ACTN1: variants seen among roughly 807,000 people sequenced by gnomAD.
The protein encoded by ACTN1 is actinin alpha 1.
Under a neutral mutation model 119.6 loss-of-function variants are expected in ACTN1, and 30 were observed. That is an observed-to-expected ratio of 0.25 (90% CI 0.19 to 0.34). The LOEUF is 0.34. Ranked by LOEUF, ACTN1 falls within the 10% of genes least tolerant of loss-of-function variation. ACTN1 has a pLI of 1.00. For synonymous variants in ACTN1, 429 were observed against 472.6 expected, an observed-to-expected ratio of 0.91 and a Z score of 1.20; for missense variants, 764 against 1,223.4, an observed-to-expected ratio of 0.62 and a Z score of 5.60.
At chr14:68,975,091 T>G (rs914774386) in intron 1 of ACTN1, among the ~76,000 whole-genome samples, 2 of 152,210 alleles carry the variant, frequency 1.3e-5, no homozygotes, top group African/African-American at 4.8e-5. Flanking sequence ...CTGGTGGCCT[T>G]GGCTATAGCT....
chr14:68,956,127 T>C lies in ACTN1; in HGVS notation c.105+22825A>G, dbSNP rs968747256. Among the ~76,000 whole-genome samples, 5 of 152,030 alleles carry C rather than the reference T, an allele frequency of 3.3e-5. No individual in the cohort carries two copies. The East Asian group carries it at 5.8e-4, about 18-fold the overall frequency. On this transcript the variant is annotated intron_variant, in intron 1 of 21. Coordinates refer to ENST00000394419, the MANE Select transcript of ACTN1 (RefSeq NM_001130004.2). ...CTGTCGTGAGCTATGATCATGCCAC[T>C]GTACTCCAGCCTGGGTTACAGAACG...
intron 2 of ACTN1, 30 bp from the exon 3 acceptor site, chr14:68,921,155 G>A (rs376396221): frequency 1.9e-6 from 3 of 1,612,212 alleles, no homozygotes; most frequent in Non-Finnish European, 1.7e-6. Context: ...GGAAGAGGAA[G>A]GTGAGACGCT....
intron 1 of ACTN1, among the ~76,000 whole-genome samples, chr14:68,945,271 A>G (rs1276082846): frequency 8.1e-6 from 1 of 123,076 alleles, no homozygotes; most frequent in Non-Finnish European, 1.7e-5. Context: ...CAAAAAACTG[A>G]AAAAAAAAAA....
chr14:68,931,619 A>C (rs1366728758), intron 1 of ACTN1, among the ~76,000 whole-genome samples: 1 of 152,170 alleles, frequency 6.6e-6, no homozygotes, highest in East Asian at 1.9e-4. Context: ...GACCTTGTGC[A>C]TGTGACTTGA....
intron 1 of ACTN1, among the ~76,000 whole-genome samples, chr14:68,958,902 G>C (rs542903911): frequency 6.6e-6 from 1 of 152,280 alleles, no homozygotes; most frequent in Admixed American, 6.5e-5. Context: ...GACAACTTTG[G>C]CCTCGACAGC....
At chr14:68,951,240 C>T (rs970926534) in intron 1 of ACTN1, among the ~76,000 whole-genome samples, 13 of 152,132 alleles carry the variant, frequency 8.5e-5, no homozygotes, top group Admixed American at 5.9e-4. Context: ...GTGAGCCAGC[C>T]GACTCTCTTT....
intron 1 of ACTN1, among the ~76,000 whole-genome samples, chr14:68,935,624 G>A (rs546218203): frequency 5.9e-5 from 9 of 151,640 alleles, no homozygotes; most frequent in Non-Finnish European, 1.0e-4. Context: ...GACCTCAAGC[G>A]ATCTGTCCAC....
chr14:68,911,362 A>C (rs2033994085), intron 4 of ACTN1, among the ~76,000 whole-genome samples: 1 of 152,220 alleles, frequency 6.6e-6, no homozygotes, highest in Non-Finnish European at 1.5e-5. Context: ...ACCACACCCC[A>C]GGTGACTACT....
chr14:68,961,154 T>C (rs1223231743), intron 1 of ACTN1, among the ~76,000 whole-genome samples: 1 of 152,184 alleles, frequency 6.6e-6, no homozygotes, highest in Non-Finnish European at 1.5e-5. Flanking sequence ...GGCAGGAAAG[T>C]ACAAATAAAC....
At chr14:68,932,022 A>G (rs888697367) in intron 1 of ACTN1, among the ~76,000 whole-genome samples, 1 of 151,936 alleles carries the variant, frequency 6.6e-6, no homozygotes, top group East Asian at 1.9e-4. Context: ...CCTGCCAAGT[A>G]GCTGGGACTC....
intron 8 of ACTN1, among the ~76,000 whole-genome samples, chr14:68,896,440 C>A (rs918957865): frequency 6.6e-6 from 1 of 152,142 alleles, no homozygotes; most frequent in African/African-American, 2.4e-5. Flanking sequence ...ATCCCGGGAG[C>A]AGAAGGAAAG....
At position 68,885,272 on chromosome 14, in the gene ACTN1, T is replaced by C. The variant is rs2031897665; in HGVS notation, c.1385+153A>G. On this transcript the variant is annotated intron_variant, in intron 12 of 21. Coordinates refer to ENST00000394419, the MANE Select transcript of ACTN1 (RefSeq NM_001130004.2). The surrounding 1 kb of genome is among the most constrained non-coding windows in gnomAD (Gnocchi z 5.6). ...CGGGCTCCTTCCCCACCAGGAGAGATATTTGTCTCCTGCGTTGACTCCCTC... is the reference window on the plus strand; with the variant it reads ...CGGGCTCCTTCCCCACCAGGAGAGACATTTGTCTCCTGCGTTGACTCCCTC... Among the ~76,000 whole-genome samples the C allele has an allele frequency of 1.3e-5, 2 of 151,886 alleles. No individual in the cohort carries two copies. The highest frequency in any genetic ancestry group is 2.9e-5 in the Non-Finnish European group (2 of 67,964).
At chr14:68,945,840 T>C (rs532663635) in intron 1 of ACTN1, among the ~76,000 whole-genome samples, 8 of 152,226 alleles carry the variant, frequency 5.3e-5, no homozygotes, top group Admixed American at 5.2e-4. Flanking sequence ...AGGCTGCAGA[T>C]CTAATTGAAA....
chr14:68,875,987 C>T (rs1382719997), intron 21 of ACTN1, among the ~76,000 whole-genome samples: 3 of 152,140 alleles, frequency 2.0e-5, no homozygotes, highest in Admixed American at 6.5e-5. Context: ...GCTTTTGCTT[C>T]GCTAACTGAT....
chr14:68,891,517 G>A (rs192840469), intron 10 of ACTN1, among the ~76,000 whole-genome samples: 10 of 151,986 alleles, frequency 6.6e-5, no homozygotes, highest in Admixed American at 3.3e-4. Context: ...ATATTTACAC[G>A]AAAAAACCAA....
chr14:68,964,310 C>T (rs2140632841), intron 1 of ACTN1, among the ~76,000 whole-genome samples: 1 of 152,326 alleles, frequency 6.6e-6, no homozygotes, highest in Non-Finnish European at 1.5e-5. Flanking sequence ...GTCAAGTACC[C>T]TCCATTCTAC....
chr14:68,881,878 T>C (rs1486605848), intron 16 of ACTN1, among the ~76,000 whole-genome samples: 1 of 151,538 alleles, frequency 6.6e-6, no homozygotes, highest in Non-Finnish European at 1.5e-5. Context: ...ATCAAGGGGA[T>C]TAAGCTGGAT....
chr14:68,957,995 G>T (rs1392368164), intron 1 of ACTN1, among the ~76,000 whole-genome samples: 2 of 152,198 alleles, frequency 1.3e-5, no homozygotes, highest in Non-Finnish European at 2.9e-5. Context: ...TCAGGAGTCA[G>T]ATCTGGGCAA....
rs2031932836 is a variant in ACTN1, at chr14:68,885,596, A to G, written c.1235-21T>C. The G allele has an allele frequency of 3.1e-6, 5 of 1,609,520 alleles. No individual in the cohort carries two copies. The highest frequency in any genetic ancestry group is 4.2e-6 in the Non-Finnish European group (5 of 1,179,498). On this transcript the variant is annotated intron_variant, in intron 11 of 21. Coordinates refer to ENST00000394419, the MANE Select transcript of ACTN1 (RefSeq NM_001130004.2). This position sits in a 1 kb window ranked among gnomAD's most constrained non-coding sequence, Gnocchi z 5.6. ...TTTGCCTGGGTTGAGAGAGGGCCAC[A>G]TGGCTGAGCTGGAGTGAGAAGCATC...
Sources: gnomAD v4.1 joint callset for allele counts (sites outside exome capture counted in the v4.1 genomes callset) on GRCh38, gnomAD v4.1.1 for gene constraint, Gnocchi (gnomAD v3.1) non-coding constraint, MANE v1.5 for transcripts, NCBI Gene and HGNC (gene_info 2026-07-23, HGNC 2026-07-21) for gene names.